LRBA: variants seen among roughly 807,000 people sequenced by gnomAD.
LRBA encodes the protein lipopolysaccharide-responsive and beige-like anchor protein.
Under a neutral mutation model 330.0 loss-of-function variants are expected in LRBA, and 176 were observed. The ratio of observed to expected loss-of-function variants is 0.53; its 90% CI spans 0.47 to 0.60. The LOEUF (loss-of-function observed/expected upper bound fraction) is 0.60. Among genes scored for constraint, LRBA ranks in the 20% least tolerant of loss-of-function variants. The pLI, the probability that LRBA is intolerant of heterozygous loss-of-function variation, is 0.00. For missense variants in LRBA, 3,259 were observed against 3,444.8 expected (o/e 0.95, Z 1.35); for synonymous variants, 1,230 against 1,193.0 (o/e 1.03, Z -0.64).
chr4:150,896,351 G>T, intron 16 of LRBA, 43 bp downstream of exon 16: 2 of 1,053,198 alleles, frequency 1.9e-6, no homozygotes, highest in Non-Finnish European at 2.8e-6. Context: ...GTCTAATGTA[G>T]CTTCAAAAAT....
chr4:150,526,444 C>A (rs1011195416), intron 40 of LRBA, among the ~76,000 whole-genome samples: 2 of 152,096 alleles, frequency 1.3e-5, no homozygotes, highest in African/African-American at 4.8e-5. Context: ...ATTGTAAAAA[C>A]AGTCTTACTT....
At position 150,928,726 on chromosome 4, in the gene LRBA, T is replaced by C. The variant is rs1298719887; in HGVS notation, c.448+108A>G. 3 of 1,243,170 alleles carry C rather than the reference T, an allele frequency of 2.4e-6. No individual in the cohort carries two copies. The African/African-American group carries it at 4.6e-5, about 19-fold the overall frequency. 77.0% of individuals were successfully genotyped at this position (1,243,170 alleles called of 1,614,324 possible). ...GGACACTAAAGTTCTAGGTGCATGCTACATGCTCAAATATTTCTTAAATAT... is the reference window on the plus strand; with the variant it reads ...GGACACTAAAGTTCTAGGTGCATGCCACATGCTCAAATATTTCTTAAATAT... On this transcript the variant is annotated intron_variant, in intron 3 of 56. Transcript: ENST00000651943.
chr4:150,980,960 GA>G (rs34577931), intron 2 of LRBA, among the ~76,000 whole-genome samples: 1 of 151,844 alleles, frequency 6.6e-6, no homozygotes, highest in Non-Finnish European at 1.5e-5. Context: ...AAATACTGGT[GA>G]AAAAAAGTGA....
intron 36 of LRBA, among the ~76,000 whole-genome samples, chr4:150,693,927 T>C (rs1233285327): frequency 5.9e-5 from 9 of 152,198 alleles, no homozygotes; most frequent in African/African-American, 2.2e-4. Flanking sequence ...AATGCTAAAA[T>C]AGCAAGCCCT....
chr4:150,491,150 G>A, intron 40 of LRBA, 115 bp from the exon 41 acceptor site: 16 of 447,668 alleles, frequency 3.6e-5, no homozygotes, highest in South Asian at 2.1e-4. Flanking sequence ...TTAAGAAAAA[G>A]GATTTAATAG....
At chr4:151,008,782 A>AGCC (rs1380170314) in intron 2 of LRBA, among the ~76,000 whole-genome samples, 1 of 150,638 alleles carries the variant, frequency 6.6e-6, no homozygotes, top group Non-Finnish European at 1.5e-5. Flanking sequence ...AGAACAGTCT[A>AGCC]GCCAACGTGG....
chr4:150,975,510 A>G (rs1740054007), intron 2 of LRBA, among the ~76,000 whole-genome samples: 1 of 150,678 alleles, frequency 6.6e-6, no homozygotes, highest in Admixed American at 6.6e-5. Flanking sequence ...TAAGTGACAG[A>G]GTGAGACTGT....
chr4:150,683,723 A>C lies in LRBA; in HGVS notation c.5755-6T>G, dbSNP rs760614212. On this transcript the variant is annotated splice_region_variant and splice_polypyrimidine_tract_variant and intron_variant, in intron 36 of 56. Coordinates refer to ENST00000651943, the MANE Select transcript of LRBA (RefSeq NM_001364905.1). ...GAATACTGGGCACACAGTGACTTGG[A>C]GAGAAAAAAAAATAATACTATAAAA... 2.0e-5 allele frequency: 31 copies of C among 1,574,860 alleles called. No individual in the cohort carries two copies. The highest frequency in any genetic ancestry group is 2.7e-5 in the Non-Finnish European group (31 of 1,156,538).
Position 150,583,929 on chromosome 4 carries a change from C to A in LRBA, c.6330+4119G>T. On this transcript the variant is annotated intron_variant, in intron 40 of 56. Coordinates refer to ENST00000651943, the MANE Select transcript of LRBA (RefSeq NM_001364905.1). This position sits in a 1 kb window ranked among gnomAD's most constrained non-coding sequence, Gnocchi z 9.8. ...ACGAGTCGTGCCTGGGCGACCGGCTCAACGGCATCCTGCTGCAGCTCATCT... is the reference window on the plus strand; with the variant it reads ...ACGAGTCGTGCCTGGGCGACCGGCTAAACGGCATCCTGCTGCAGCTCATCT... The A allele has an allele frequency of 6.2e-7, 1 of 1,612,968 alleles. No homozygotes were observed. The highest frequency in any genetic ancestry group is 1.1e-5 in the South Asian group (1 of 90,786).
At chr4:150,657,208 T>A (rs144018939) in intron 37 of LRBA, among the ~76,000 whole-genome samples, 1 of 152,238 alleles carries the variant, frequency 6.6e-6, no homozygotes, top group Non-Finnish European at 1.5e-5. Context: ...TTTTTGTTTT[T>A]CTAGTTTTGT....
chr4:151,002,196 C>CAAAAAAAAAAAGAA (rs1743436126), intron 2 of LRBA, among the ~76,000 whole-genome samples: 1 of 24,390 alleles, frequency 4.1e-5, no homozygotes, highest in Non-Finnish European at 7.2e-5. Flanking sequence ...CATAAAACAG[C>CAAAAAAAAAAAGAA]AAAAAAAAAA....
intron 40 of LRBA, among the ~76,000 whole-genome samples, chr4:150,522,290 T>C (rs1214732032): frequency 6.6e-6 from 1 of 152,144 alleles, no homozygotes; most frequent in East Asian, 1.9e-4. Flanking sequence ...GACTTAGGTA[T>C]TAATATTTTG....
At chr4:150,501,604 CAA>C (rs372362348) in intron 40 of LRBA, among the ~76,000 whole-genome samples, 1 of 140,340 alleles carries the variant, frequency 7.1e-6, no homozygotes, top group Admixed American at 7.1e-5. Context: ...GACCCCATCT[CAA>C]AAAAAAAAGG....
At chr4:150,864,001 C>T (rs1170328928) in intron 22 of LRBA, among the ~76,000 whole-genome samples, 1 of 151,774 alleles carries the variant, frequency 6.6e-6, no homozygotes, top group Admixed American at 6.6e-5. Context: ...TGCAGTGGTA[C>T]GATCTCGGCT....
At chr4:150,981,817 G>A (rs918665289) in intron 2 of LRBA, among the ~76,000 whole-genome samples, 9 of 152,042 alleles carry the variant, frequency 5.9e-5, no homozygotes, top group East Asian at 1.9e-4. Flanking sequence ...AAAATTAGCC[G>A]GGCGTGGTGG....
intron 40 of LRBA, among the ~76,000 whole-genome samples, chr4:150,510,564 A>G (rs72734492): frequency 9.3e-4 from 142 of 152,262 alleles, no homozygotes; most frequent in Non-Finnish European, 1.5e-3. Flanking sequence ...CAATGCACCC[A>G]TCTTTCTCTC....
chr4:150,329,967 T>TC (rs1011317852), intron 48 of LRBA, among the ~76,000 whole-genome samples: 1 of 152,168 alleles, frequency 6.6e-6, no homozygotes, highest in African/African-American at 2.4e-5. Flanking sequence ...TTGCTGGTTT[T>TC]CCCCCTCTAT....
chr4:150,537,961 A>T (rs1176855828), intron 40 of LRBA, among the ~76,000 whole-genome samples: 1 of 152,178 alleles, frequency 6.6e-6, no homozygotes, highest in Non-Finnish European at 1.5e-5. Context: ...TCTCAAAAAA[A>T]AAAGCGAACA....
At chr4:150,770,594 C>T (rs1299373893) in intron 34 of LRBA, among the ~76,000 whole-genome samples, 2 of 151,604 alleles carry the variant, frequency 1.3e-5, no homozygotes, top group South Asian at 2.1e-4. Context: ...TATACACACA[C>T]ACACACACAC....
Sources: gnomAD v4.1 joint callset for allele counts (sites outside exome capture counted in the v4.1 genomes callset) on GRCh38, gnomAD v4.1.1 for gene constraint, Gnocchi (gnomAD v3.1) non-coding constraint, MANE v1.5 for transcripts, NCBI Gene and HGNC (gene_info 2026-07-23, HGNC 2026-07-21) for gene names.